AGBL4: variants seen among roughly 807,000 people sequenced by gnomAD.
The protein encoded by AGBL4 is cytosolic carboxypeptidase 6.
Under a neutral mutation model 66.4 loss-of-function variants are expected in AGBL4, and 58 were observed. That is an observed-to-expected ratio of 0.87 (90% confidence interval 0.71 to 1.09). AGBL4 has a LOEUF of 1.09. Among genes scored for constraint, AGBL4 ranks in the 50% least tolerant of loss-of-function variants. The pLI is 0.00. For synonymous variants in AGBL4, 234 were observed against 222.9 expected (o/e 1.05, Z -0.44); for missense variants, 579 against 631.0 (o/e 0.92, Z 0.88).
chr1:49,657,238 G>A (rs1291969784), intron 3 of AGBL4, among the ~76,000 whole-genome samples: 1 of 152,152 alleles, frequency 6.6e-6, no homozygotes, highest in Non-Finnish European at 1.5e-5. Context: ...GCCAAATCAT[G>A]AGTGAACTCC....
At chr1:49,893,647 A>G (rs1481143327) in intron 1 of AGBL4, among the ~76,000 whole-genome samples, 1 of 152,138 alleles carries the variant, frequency 6.6e-6, no homozygotes, top group Non-Finnish European at 1.5e-5. Context: ...CAGTGGAAAA[A>G]TGAGGAAAAC....
At chr1:49,832,944 G>C (rs936231398) in intron 2 of AGBL4, among the ~76,000 whole-genome samples, 2 of 151,940 alleles carry the variant, frequency 1.3e-5, no homozygotes, top group African/African-American at 4.8e-5. Context: ...GTTGTAGGTT[G>C]CCTGTTCACT....
intron 10 of AGBL4, among the ~76,000 whole-genome samples, chr1:48,589,789 GAGA>G (rs1644884061): frequency 6.6e-6 from 1 of 152,218 alleles, no homozygotes. Context: ...AATTGAGGCT[GAGA>G]AGGAGTCATG....
chr1:48,669,048 G>C (rs185887475), intron 6 of AGBL4, among the ~76,000 whole-genome samples: 1 of 152,108 alleles, frequency 6.6e-6, no homozygotes, highest in African/African-American at 2.4e-5. Flanking sequence ...GGAGGACCGT[G>C]TTCCCTGTGT....
chr1:49,518,050 T>C (rs1362241392), intron 3 of AGBL4, among the ~76,000 whole-genome samples: 1 of 152,120 alleles, frequency 6.6e-6, no homozygotes, highest in East Asian at 1.9e-4. Context: ...GTCCATAGAC[T>C]GAAGTATAAT....
chr1:49,122,490 T>C (rs1645678007), intron 4 of AGBL4, among the ~76,000 whole-genome samples: 8 of 152,224 alleles, frequency 5.3e-5, no homozygotes, highest in Admixed American at 5.2e-4. Flanking sequence ...AACAAAAATA[T>C]TCCAATCACA....
chr1:48,807,066 C>G (rs1645941511), intron 6 of AGBL4, among the ~76,000 whole-genome samples: 1 of 152,220 alleles, frequency 6.6e-6, no homozygotes, highest in African/African-American at 2.4e-5. Flanking sequence ...CACGTCTCTT[C>G]AAGATTCACT....
chr1:49,734,034 A>G (rs564212000), intron 2 of AGBL4, among the ~76,000 whole-genome samples: 1 of 152,334 alleles, frequency 6.6e-6, no homozygotes, highest in African/African-American at 2.4e-5. Context: ...TATTAAAATA[A>G]TAAGACCATT....
intron 1 of AGBL4, among the ~76,000 whole-genome samples, chr1:49,948,546 T>C (rs369701386): frequency 1.0e-5 from 1 of 97,116 alleles, no homozygotes; most frequent in South Asian, 3.2e-4. Context: ...AATATATAAA[T>C]ATATATAAAT....
intron 6 of AGBL4, among the ~76,000 whole-genome samples, chr1:48,758,056 C>T (rs145341763): frequency 8.1e-4 from 123 of 152,300 alleles, no homozygotes; most frequent in African/African-American, 2.7e-3. Flanking sequence ...TCAGGTTTCT[C>T]GATCCCTGCT....
chr1:49,027,810 C>G (rs1247494193), intron 5 of AGBL4, among the ~76,000 whole-genome samples: 1 of 152,104 alleles, frequency 6.6e-6, no homozygotes. Flanking sequence ...TATTAGAAGC[C>G]AAATGCCCTC....
At chr1:49,655,136 A>C (rs2124464907) in intron 3 of AGBL4, among the ~76,000 whole-genome samples, 1 of 152,298 alleles carries the variant, frequency 6.6e-6, no homozygotes, top group East Asian at 1.9e-4. Context: ...CCTGGTGGTG[A>C]CAAAATCTCT....
chr1:49,997,569 G>T (rs1271029020), intron 1 of AGBL4, among the ~76,000 whole-genome samples: 1 of 151,846 alleles, frequency 6.6e-6, no homozygotes, highest in Non-Finnish European at 1.5e-5. Flanking sequence ...ATTACTACTA[G>T]ACCTAAGAAA....
At chr1:49,571,642 C>G (rs987949359) in intron 3 of AGBL4, among the ~76,000 whole-genome samples, 1 of 152,078 alleles carries the variant, frequency 6.6e-6, no homozygotes, top group African/African-American at 2.4e-5. Context: ...ACATCTTTCT[C>G]TTGTTCCAGT....
intron 1 of AGBL4, among the ~76,000 whole-genome samples, chr1:49,863,303 C>T (rs1646620169): frequency 6.6e-6 from 1 of 152,096 alleles, no homozygotes; most frequent in South Asian, 2.1e-4. Context: ...TGGTTAAATA[C>T]CTTAAGACTT....
chr1:49,634,906 T>C (rs963651357), intron 3 of AGBL4, among the ~76,000 whole-genome samples: 1 of 152,204 alleles, frequency 6.6e-6, no homozygotes, highest in African/African-American at 2.4e-5. Flanking sequence ...GACAATACTG[T>C]TGAGGCATCA....
intron 5 of AGBL4, among the ~76,000 whole-genome samples, chr1:48,980,732 TATA>T (rs1659691034): frequency 3.3e-4 from 4 of 12,224 alleles, no homozygotes; most frequent in East Asian, 1.4e-3. Context: ...TATATATATA[TATA>T]TATATATATA....
chr1:49,676,454 C>A (rs1339501421), intron 3 of AGBL4, among the ~76,000 whole-genome samples: 1 of 151,994 alleles, frequency 6.6e-6, no homozygotes, highest in African/African-American at 2.4e-5. Flanking sequence ...GGGGTAATAT[C>A]ATTTGGCATT....
chr1:49,828,627 C>A (rs1645572608), intron 2 of AGBL4, among the ~76,000 whole-genome samples: 1 of 152,078 alleles, frequency 6.6e-6, no homozygotes, highest in South Asian at 2.1e-4. Flanking sequence ...ACTTTGTAGT[C>A]AGGATAAGAA....
Sources: allele counts gnomAD v4.1 joint callset (sites outside exome capture counted in the v4.1 genomes callset), GRCh38; gene constraint gnomAD v4.1.1; transcripts MANE v1.5; gene names NCBI Gene and HGNC (gene_info 2026-07-23, HGNC 2026-07-21).